RPUSD4: variants seen among roughly 807,000 people sequenced by gnomAD.
RPUSD4 encodes RNA pseudouridine synthase D4.
In RPUSD4, 37 loss-of-function variants were observed where a neutral mutation model predicts 35.4. The ratio of observed to expected loss-of-function variants is 1.04; its 90% confidence interval spans 0.80 to 1.37. RPUSD4 has a LOEUF of 1.37. Among genes scored for constraint, RPUSD4 ranks in the 40% most tolerant of loss-of-function variants. The pLI is 0.00. For missense variants in RPUSD4, 507 were observed against 484.9 expected, an observed-to-expected ratio of 1.05 and a Z score of -0.43; for synonymous variants, 210 against 192.7, an observed-to-expected ratio of 1.09 and a Z score of -0.74.
intron 2 of RPUSD4, 82 bp from the exon 3 acceptor site, chr11:126,209,804 G>A: frequency 8.9e-7 from 1 of 1,126,692 alleles, no homozygotes; most frequent in Non-Finnish European, 1.3e-6. Context: ...AGCCCTTAAT[G>A]GATAAACTGT....
Position 126,209,604 on chromosome 11 carries a change from A to G in RPUSD4, c.474T>C (p.Gly158=), listed in dbSNP as rs966082470. The change falls in exon 3 of 7, where the codon GGT becomes GGC. Residue 158 remains glycine, a synonymous_variant. Transcript: ENST00000298317. The part of the protein sequence containing the change: ...LCHRLDKETT[G]VMVLAWDKDM... The stretch of plus-strand genomic sequence containing the variant: ...CCTTGTCCCAAGCCAACACCATTAC[A>G]CCTGTGGTTTCCTTGTCCAGCCGGT... 6.2e-7 allele frequency: 1 copy of G among 1,613,936 alleles called. No homozygotes were observed. Among genetic ancestry groups the G allele is most frequent in the Non-Finnish European group, 8.5e-7 (1 of 1,180,006 alleles).
At position 126,211,574 on chromosome 11, in the gene RPUSD4, C is replaced by T. The variant is rs778701900; in HGVS notation, c.65G>A (p.Ser22Asn). The T allele has an allele frequency of 1.2e-5, 19 of 1,614,094 alleles. No homozygotes were observed. The African/African-American group carries it at 2.0e-4, about 17-fold the overall frequency. Residue 22 changes from serine (S) to asparagine (N), a missense_variant, in exon 1 of 7, where the codon AGT (serine) becomes AAT (asparagine). Ser to Asn is a conservative substitution (Grantham distance 46, BLOSUM62 1). Transcript: ENST00000298317. ...TGGCTTTGAGACGAGAGTGAAGAGA[C>T]TCCCGCAACCTTGGCCGTTTCCCCG... ...WIRGNGQGCG[S>N]LFTLVSKPFC...
intron 2 of RPUSD4, among the ~76,000 whole-genome samples, chr11:126,210,309 C>A (rs1033986289): frequency 2.6e-5 from 4 of 152,144 alleles, no homozygotes; most frequent in Middle Eastern, 3.2e-3. Context: ...TCTTTGTGAA[C>A]AACTATCTCC....
At position 126,209,550 on chromosome 11, in the gene RPUSD4, A is replaced by G. The variant is rs1199364201; in HGVS notation, c.528T>C (p.Phe176=). ...KDMAHQVQEL[F]RTRQVVKKYW... is the part of the protein sequence containing the mutation. ...ACTTCTTCACCACCTGACGGGTTCTAAACAACTCTTGGACTTGATGTGCCA... is the reference window on the plus strand; with the variant it reads ...ACTTCTTCACCACCTGACGGGTTCTGAACAACTCTTGGACTTGATGTGCCA... The change falls in exon 3 of 7, where the codon TTT becomes TTC. Residue 176 remains phenylalanine (F), a synonymous_variant. Transcript: ENST00000298317. The G allele has an allele frequency of 1.9e-6, 3 of 1,614,110 alleles. No homozygotes were observed. The highest frequency in any genetic ancestry group is 2.7e-5 in the African/African-American group (2 of 74,932).
chr11:126,205,804 C>T (rs1207495873), intron 3 of RPUSD4, 23 bp from the exon 4 acceptor site: 1 of 1,545,786 alleles, frequency 6.5e-7, no homozygotes, highest in Admixed American at 2.0e-5. Flanking sequence ...CAGATCACTG[C>T]TTTAGCCAAC....
intron 2 of RPUSD4, 54 bp downstream of exon 2, chr11:126,210,836 G>T: frequency 1.3e-6 from 2 of 1,536,368 alleles, no homozygotes; most frequent in Non-Finnish European, 1.8e-6. Context: ...AGTTTTCCTC[G>T]GTTGTAGCAG....
Position 126,205,499 on chromosome 11 carries a change from G to C in RPUSD4, c.765C>G (p.Ser255=), listed in dbSNP as rs780563320. 11 of 1,614,156 alleles carry C rather than the reference G, an allele frequency of 6.8e-6. No individual in the cohort carries two copies. The African/African-American group carries it at 1.3e-4, about 20-fold the overall frequency. The change falls in exon 5 of 7, where the codon TCC becomes TCG. Residue 255 remains serine (S), a synonymous_variant. Coordinates refer to ENST00000298317, the MANE Select transcript of RPUSD4 (RefSeq NM_032795.3). ...TGGGCTGGAGCTCCACGAGGGCGGA[G>C]GAGAGAGTGCTGCTGAGCACCTGGT... ...TQYQVLSSTL[S]SALVELQPIT... is the part of the protein sequence containing the mutation.
chr11:126,205,966 C>CT (rs1377761716), intron 3 of RPUSD4, 185 bp from the exon 4 acceptor site: 1 of 474,880 alleles, frequency 2.1e-6, no homozygotes, highest in Non-Finnish European at 3.7e-6. Context: ...ACAAGCTTAT[C>CT]TTTTTTACTA....
chr11:126,208,435 G>A (rs1195994098), intron 3 of RPUSD4, among the ~76,000 whole-genome samples: 1 of 152,190 alleles, frequency 6.6e-6, no homozygotes, highest in Non-Finnish European at 1.5e-5. Context: ...ATATATGCTC[G>A]ATAACTCTGG....
chr11:126,205,769 C>T lies in RPUSD4; in HGVS notation c.570G>A (p.Val190=), dbSNP rs1185875212. ...QVVKKYWAIT[V]HVPMPSAGVV... ...CTCCTGCTGAGGGCATGGGGACATG[C>T]ACAGTGATGGCCCTGGGGGTGACAC... is the stretch of plus-strand genomic sequence containing the variant. Residue 190 remains valine, a synonymous_variant, in exon 4 of 7, where the codon GTG becomes GTA. Transcript: ENST00000298317. 2 of 1,607,410 alleles carry T rather than the reference C, an allele frequency of 1.2e-6. No individual in the cohort carries two copies. Among genetic ancestry groups the T allele is most frequent in the Non-Finnish European group, 8.5e-7 (1 of 1,175,906 alleles).
rs1565316585 is a variant in RPUSD4, at chr11:126,205,469, AG to A, written c.794del (p.Thr265MetfsTer3). On this transcript the variant is annotated frameshift_variant and splice_region_variant, in exon 5 of 7. Transcript: ENST00000298317. LOFTEE classifies it high-confidence loss of function. ...SSALVELQPI[T>X]GIKHQLRVHL... ...ACTGCGGAAAAGTGACACTCTCACCAGTGATGGGCTGGAGCTCCACGAGGGC... is the reference window on the plus strand; with the variant it reads ...ACTGCGGAAAAGTGACACTCTCACCATGATGGGCTGGAGCTCCACGAGGGC... 1.2e-6 allele frequency: 2 copies of A among 1,614,234 alleles called. No individual in the cohort carries two copies. The highest frequency in any genetic ancestry group is 2.2e-5 in the South Asian group (2 of 91,090).
At chr11:126,207,662 CA>C (rs1223845490) in intron 3 of RPUSD4, among the ~76,000 whole-genome samples, 2 of 152,142 alleles carry the variant, frequency 1.3e-5, no homozygotes, top group African/African-American at 4.8e-5. Context: ...CCAGCCTGGC[CA>C]ACAGGCTGAA....
At position 126,211,570 on chromosome 11, in the gene RPUSD4, G is replaced by T. The variant is rs753494639; in HGVS notation, c.69C>A (p.Leu23=). Residue 23 remains leucine (L), a synonymous_variant, in exon 1 of 7, where the codon CTC becomes CTA. Transcript: ENST00000298317. ...IRGNGQGCGS[L]FTLVSKPFCA... is the part of the protein sequence containing the mutation. Reference sequence around the variant, plus strand: ...AAAATGGCTTTGAGACGAGAGTGAAGAGACTCCCGCAACCTTGGCCGTTTC... The same window carrying T: ...AAAATGGCTTTGAGACGAGAGTGAATAGACTCCCGCAACCTTGGCCGTTTC... 2 of 1,614,100 alleles carry T rather than the reference G, an allele frequency of 1.2e-6. No homozygotes were observed. The highest frequency in any genetic ancestry group is 2.7e-5 in the African/African-American group (2 of 74,946).
At chr11:126,204,363 C>T (rs761554609) in intron 5 of RPUSD4, 35 bp from the exon 6 acceptor site, 7 of 1,504,028 alleles carry the variant, frequency 4.7e-6, no homozygotes, top group African/African-American at 1.4e-5. Context: ...AGAGAAAACT[C>T]GTGAGGAGCT....
Position 126,203,301 on chromosome 11 carries a change from A to C in RPUSD4, c.*117T>G. ...TCTTACGCAGTCTGTTCCAAGTGAG[A>C]AGTTAGCAGAGTCCTGTAAACAAAG... On this transcript the variant is annotated 3_prime_UTR_variant, in exon 7 of 7. Coordinates refer to ENST00000298317, the MANE Select transcript of RPUSD4 (RefSeq NM_032795.3). 6.9e-7 allele frequency: 1 copy of C among 1,453,542 alleles called. No homozygotes were observed. The allele number at this position is 1,453,542 out of a possible 1,614,324, so 90.0% of individuals were successfully genotyped here.
rs1419038270 is a variant in RPUSD4, at chr11:126,211,576, C to G, written c.63G>C (p.Gly21=). The G allele has an allele frequency of 1.2e-6, 2 of 1,614,190 alleles. No homozygotes were observed. Among genetic ancestry groups the G allele is most frequent in the South Asian group, 1.1e-5 (1 of 91,086 alleles). ...GCTTTGAGACGAGAGTGAAGAGACT[C>G]CCGCAACCTTGGCCGTTTCCCCGGA... is the stretch of plus-strand genomic sequence containing the variant. ...PWIRGNGQGC[G]SLFTLVSKPF... The change falls in exon 1 of 7, where the codon GGG becomes GGC. Residue 21 remains glycine (G), a synonymous_variant. Coordinates refer to ENST00000298317, the MANE Select transcript of RPUSD4 (RefSeq NM_032795.3).
intron 3 of RPUSD4, chr11:126,206,343 G>C (rs1193668539): frequency 6.6e-6 from 1 of 152,158 alleles, no homozygotes; most frequent in Non-Finnish European, 1.5e-5. Context: ...CTTCAGGTCA[G>C]GAGTTCAAGA....
At position 126,203,352 on chromosome 11, in the gene RPUSD4, C is replaced by T; in HGVS notation, c.*66G>A. 1 of 1,578,898 alleles carries T rather than the reference C, an allele frequency of 6.3e-7. No individual in the cohort carries two copies. The highest frequency in any genetic ancestry group is 8.6e-7 in the Non-Finnish European group (1 of 1,167,064). On this transcript the variant is annotated 3_prime_UTR_variant, in exon 7 of 7. Transcript: ENST00000298317. ...AACAGTTCAGGGGCCAACCTGCGCT[C>T]CCAGGTGCCAGGATGCTCTCAGGGT...
At position 126,205,671 on chromosome 11, in the gene RPUSD4, G is replaced by A. The variant is rs745489269; in HGVS notation, c.651+17C>T. On this transcript the variant is annotated intron_variant, in intron 4 of 6. Coordinates refer to ENST00000298317, the MANE Select transcript of RPUSD4 (RefSeq NM_032795.3). ...GGAAGAGCAGCAACCCATGCCTCAG[G>A]GAGGCTGCTCGCTCACCTTGTGGTG... 20 of 1,613,142 alleles carry A rather than the reference G, an allele frequency of 1.2e-5. No individual in the cohort carries two copies. The highest frequency in any genetic ancestry group is 7.7e-5 in the South Asian group (7 of 91,050).
Sources: allele counts gnomAD v4.1 joint callset (sites outside exome capture counted in the v4.1 genomes callset), GRCh38; gene constraint gnomAD v4.1.1; transcripts MANE v1.5; gene names NCBI Gene and HGNC (gene_info 2026-07-23, HGNC 2026-07-21).